The following NEGR1 variants were observed in gnomAD, a reference collection of about 807,000 sequenced individuals.
The protein encoded by NEGR1 is neuronal growth regulator 1, also known as IgLON family member 4.
In NEGR1, 10 loss-of-function variants were observed where a neutral mutation model predicts 40.9. The observed-to-expected ratio is 0.24, with a 90% CI of 0.15 to 0.42. The LOEUF (loss-of-function observed/expected upper bound fraction) is 0.42, where lower values mean the gene tolerates loss of function less well. NEGR1 is among the 10% of genes least tolerant of loss of function. The probability of loss-of-function intolerance (pLI) is 1.00; values close to 1 mark genes in which losing one functional copy is unlikely to be tolerated. For synonymous variants in NEGR1, 185 were observed against 166.8 expected, an observed-to-expected ratio of 1.11 and a Z score of -0.84; for missense variants, 352 against 438.9, an observed-to-expected ratio of 0.80 and a Z score of 1.77.
chr1:71,959,383 G>GT (rs1646144906), intron 1 of NEGR1, among the ~76,000 whole-genome samples: 1 of 152,048 alleles, frequency 6.6e-6, no homozygotes. Flanking sequence ...ATATTTCCTT[G>GT]TTTTTTCTGG....
At chr1:71,668,791 T>C (rs961377152) in intron 4 of NEGR1, among the ~76,000 whole-genome samples, 2 of 152,096 alleles carry the variant, frequency 1.3e-5, no homozygotes, top group African/African-American at 4.8e-5. Context: ...CAGAAGGACA[T>C]ACCTGTGATT....
chr1:71,678,273 G>A (rs1557609787), intron 4 of NEGR1, among the ~76,000 whole-genome samples: 2 of 152,120 alleles, frequency 1.3e-5, no homozygotes, highest in African/African-American at 4.8e-5. Flanking sequence ...TTTCATATAT[G>A]TATTTGGAAC....
At chr1:71,777,737 CA>C in intron 2 of NEGR1, among the ~76,000 whole-genome samples, 1 of 151,634 alleles carries the variant, frequency 6.6e-6, no homozygotes, top group East Asian at 1.9e-4. Context: ...TTTTGACAAC[CA>C]AAACTCAGCC....
chr1:71,931,773 T>G (rs1251341539), intron 2 of NEGR1, among the ~76,000 whole-genome samples: 1 of 152,146 alleles, frequency 6.6e-6, no homozygotes, highest in Non-Finnish European at 1.5e-5. Context: ...ATAGCACAAT[T>G]CCTGACATAT....
intron 2 of NEGR1, among the ~76,000 whole-genome samples, chr1:71,827,400 A>T (rs1481309251): frequency 6.6e-6 from 1 of 151,786 alleles, no homozygotes; most frequent in African/African-American, 2.4e-5. Context: ...TACCAACAAG[A>T]ATCTTGTCAC....
intron 1 of NEGR1, among the ~76,000 whole-genome samples, chr1:72,091,437 C>CTCCCTAACTCCA (rs1266976486): frequency 1.4e-5 from 2 of 147,162 alleles, no homozygotes; most frequent in Non-Finnish European, 3.0e-5. Context: ...CCTTCCCTCC[C>CTCCCTAACTCCA]TCCCTAACTC....
intron 2 of NEGR1, among the ~76,000 whole-genome samples, chr1:71,785,659 T>G (rs1656885235): frequency 6.6e-6 from 1 of 152,170 alleles, no homozygotes. Flanking sequence ...ACTGTTTTCT[T>G]GCCTCATCCT....
intron 3 of NEGR1, among the ~76,000 whole-genome samples, chr1:71,774,585 T>C (rs1656438624): frequency 6.6e-6 from 1 of 152,010 alleles, no homozygotes; most frequent in Admixed American, 6.6e-5. Context: ...GCAGATAAAA[T>C]ACATGTTTCA....
chr1:71,505,732 A>G (rs1013470982), intron 6 of NEGR1, among the ~76,000 whole-genome samples: 1 of 152,190 alleles, frequency 6.6e-6, no homozygotes. Flanking sequence ...GAGAAAAACA[A>G]CAGTACCGCT....
chr1:71,945,606 C>CT (rs1646011133), intron 1 of NEGR1, among the ~76,000 whole-genome samples: 1 of 145,024 alleles, frequency 6.9e-6, no homozygotes, highest in Non-Finnish European at 1.5e-5. Flanking sequence ...ACAAAAGTTT[C>CT]TTTTTTTATA....
At chr1:72,174,243 C>T (rs1007004287) in intron 1 of NEGR1, among the ~76,000 whole-genome samples, 4 of 152,056 alleles carry the variant, frequency 2.6e-5, no homozygotes, top group Admixed American at 2.0e-4. Flanking sequence ...TCCCATATGC[C>T]GCTTTCCCCT....
At chr1:71,672,119 A>G (rs1380301823) in intron 4 of NEGR1, among the ~76,000 whole-genome samples, 1 of 152,154 alleles carries the variant, frequency 6.6e-6, no homozygotes, top group East Asian at 1.9e-4. Context: ...AATATCTGCT[A>G]TCATAGCTAA....
chr1:71,811,550 AATTT>A (rs1658000743), intron 2 of NEGR1, among the ~76,000 whole-genome samples: 1 of 151,466 alleles, frequency 6.6e-6, no homozygotes, highest in African/African-American at 2.4e-5. Context: ...TACACTATTT[AATTT>A]ATTTACTTAC....
intron 6 of NEGR1, among the ~76,000 whole-genome samples, chr1:71,467,126 A>C (rs769764671): frequency 3.7e-4 from 57 of 152,070 alleles, no homozygotes; most frequent in Non-Finnish European, 6.6e-4. Context: ...AAAATAAAAC[A>C]AAATTGGCCT....
At chr1:72,168,946 C>T (rs981953656) in intron 1 of NEGR1, among the ~76,000 whole-genome samples, 3 of 151,804 alleles carry the variant, frequency 2.0e-5, no homozygotes, top group Admixed American at 6.6e-5. Context: ...CTAGAATGTG[C>T]GTACAAAAAG....
intron 6 of NEGR1, among the ~76,000 whole-genome samples, chr1:71,472,147 T>C (rs909287844): frequency 6.6e-6 from 1 of 152,102 alleles, no homozygotes; most frequent in Non-Finnish European, 1.5e-5. Context: ...TCTCTTTGAG[T>C]CTTTTTACTT....
rs538272580 is a variant in NEGR1 at position 71,779,386 on chromosome 1, G to C, written c.410-3089C>G. On this transcript the variant is annotated intron_variant, in intron 2 of 6. Transcript: ENST00000357731. ...AGCGGATAGGTAAGTAACTAAGAGA[G>C]GGCAAATATTTTCCACATTTTCCTT... 1.4e-4 allele frequency among the ~76,000 whole-genome samples: 21 copies of C among 152,140 alleles called. 1 individual carries two copies. In the South Asian group the frequency reaches 3.5e-3, roughly 26 times the overall value.
At chr1:71,692,418 A>T (rs1036625342) in intron 4 of NEGR1, among the ~76,000 whole-genome samples, 1 of 151,732 alleles carries the variant, frequency 6.6e-6, no homozygotes, top group Non-Finnish European at 1.5e-5. Context: ...GATGACTATG[A>T]ATTCAAATAA....
intron 1 of NEGR1, among the ~76,000 whole-genome samples, chr1:71,955,689 G>A (rs1034691806): frequency 6.6e-6 from 1 of 152,122 alleles, no homozygotes; most frequent in Non-Finnish European, 1.5e-5. Context: ...TCCCAAAAGA[G>A]TTTAACATTG....
Sources: allele counts gnomAD v4.1 joint callset (sites outside exome capture counted in the v4.1 genomes callset), GRCh38; gene constraint gnomAD v4.1.1; transcripts MANE v1.5; gene names NCBI Gene and HGNC (gene_info 2026-07-23, HGNC 2026-07-21).